DPP6: variants seen among roughly 807,000 people sequenced by gnomAD.
DPP6 encodes A-type potassium channel modulatory protein DPP6.
A neutral mutation model predicts 122.6 loss-of-function variants in DPP6; 69 were observed. The observed-to-expected ratio is 0.56, with a 90% CI of 0.46 to 0.69. The LOEUF (loss-of-function observed/expected upper bound fraction) is 0.69. Ranked by LOEUF, DPP6 falls within the 30% of genes least tolerant of loss-of-function variation. The pLI, the probability that DPP6 is intolerant of heterozygous loss-of-function variation, is 0.00. For missense variants in DPP6, 928 were observed against 1,116.9 expected, an observed-to-expected ratio of 0.83 and a Z score of 2.41; for synonymous variants, 418 against 433.1, an observed-to-expected ratio of 0.97 and a Z score of 0.43.
chr7:154,499,426 A>G (rs929780914), intron 3 of DPP6, among the ~76,000 whole-genome samples: 3 of 152,118 alleles, frequency 2.0e-5, no homozygotes, highest in African/African-American at 7.2e-5. Flanking sequence ...CTTAGACCAT[A>G]GGTGTGCCTG....
chr7:154,224,971 G>A (rs553715417), intron 1 of DPP6, among the ~76,000 whole-genome samples: 117 of 152,116 alleles, frequency 7.7e-4, no homozygotes, highest in African/African-American at 2.6e-3. Flanking sequence ...GGTGAACCCC[G>A]TCTCTACTGA....
chr7:154,292,726 G>A (rs1465867970), intron 1 of DPP6, among the ~76,000 whole-genome samples: 1 of 152,178 alleles, frequency 6.6e-6, no homozygotes, highest in East Asian at 1.9e-4. Flanking sequence ...CAGGCAGGCA[G>A]AGTCTCGTTT....
rs546661731 is a variant in DPP6, at chr7:154,538,048, A to C, written c.458-2484A>C. Among the ~76,000 whole-genome samples the C allele has an allele frequency of 6.6e-5, 10 of 152,256 alleles. No individual in the cohort carries two copies. The South Asian group carries it at 1.9e-3, about 28-fold the overall frequency. On this transcript the variant is annotated intron_variant, in intron 3 of 25. Coordinates refer to ENST00000377770, the MANE Select transcript of DPP6 (RefSeq NM_130797.4). ...CCTTATTAAGGTCAAATGCAAAAAA[A>C]AACTAAACAACATAGTATTTAAAGA...
intron 5 of DPP6, among the ~76,000 whole-genome samples, chr7:154,607,079 A>G (rs1833608707): frequency 8.2e-6 from 1 of 121,308 alleles, no homozygotes; most frequent in Admixed American, 9.2e-5. Flanking sequence ...CGCGATGCCA[A>G]TCATCTCCAC....
intron 1 of DPP6, among the ~76,000 whole-genome samples, chr7:154,310,716 A>G (rs1806794395): frequency 6.6e-6 from 1 of 152,166 alleles, no homozygotes; most frequent in African/African-American, 2.4e-5. Flanking sequence ...TCACCGAAAC[A>G]TCTTAGCTCC....
chr7:154,312,385 C>T (rs1479746419), intron 1 of DPP6, among the ~76,000 whole-genome samples: 4 of 152,300 alleles, frequency 2.6e-5, no homozygotes, highest in Non-Finnish European at 5.9e-5. Flanking sequence ...TTACAAAGCA[C>T]GTTGCTGATA....
In DPP6 at chr7:154,618,337, G is replaced by A. The variant is rs1159131698; in HGVS notation, c.628-19484G>A. Among the ~76,000 whole-genome samples, 4 of 152,126 alleles carry A rather than the reference G, an allele frequency of 2.6e-5. No individual in the cohort carries two copies. The highest frequency in any genetic ancestry group is 4.8e-5 in the African/African-American group (2 of 41,420). ...GATTAGGCTCACTGAGCGGGTGAAC[G>A]GAGCTGTTTGAACTGAGGTCTCAGG... On this transcript the variant is annotated intron_variant, in intron 5 of 25. Transcript: ENST00000377770. This position sits in a 1 kb window ranked among gnomAD's most constrained non-coding sequence, Gnocchi z 4.1.
chr7:154,767,042 A>C (rs897923141), intron 8 of DPP6, among the ~76,000 whole-genome samples: 8 of 152,144 alleles, frequency 5.3e-5, no homozygotes, highest in African/African-American at 1.9e-4. Flanking sequence ...GAAAGAAAGA[A>C]ATGAGTTGTC....
chr7:154,098,351 C>T (rs538098466), intron 1 of DPP6, among the ~76,000 whole-genome samples: 1 of 152,114 alleles, frequency 6.6e-6, no homozygotes, highest in Non-Finnish European at 1.5e-5. Context: ...TCAATTAAAC[C>T]TCTTTTCTTT....
chr7:154,062,330 A>G (rs1255564198), intron 1 of DPP6, among the ~76,000 whole-genome samples: 4 of 53,024 alleles, frequency 7.5e-5, no homozygotes, highest in East Asian at 9.7e-4. Context: ...CAGGAGGGGG[A>G]GGCACCCCCC....
intron 1 of DPP6, among the ~76,000 whole-genome samples, chr7:153,916,873 A>G (rs1488113396): frequency 6.6e-6 from 1 of 152,088 alleles, no homozygotes; most frequent in East Asian, 1.9e-4. Flanking sequence ...TGAGTTTTCT[A>G]TTCTTATTTG....
intron 1 of DPP6, among the ~76,000 whole-genome samples, chr7:154,289,164 G>T (rs1805041480): frequency 6.6e-6 from 1 of 152,184 alleles, no homozygotes; most frequent in Non-Finnish European, 1.5e-5. Flanking sequence ...AATGTTAGTG[G>T]AGAGGTAGAT....
intron 4 of DPP6, among the ~76,000 whole-genome samples, chr7:154,565,091 C>T (rs1332221081): frequency 6.6e-6 from 1 of 152,174 alleles, no homozygotes; most frequent in Non-Finnish European, 1.5e-5. Flanking sequence ...TTAGGCACAA[C>T]TCATGGGTTG....
chr7:153,985,047 A>G (rs1189765262), intron 1 of DPP6, among the ~76,000 whole-genome samples: 1 of 152,206 alleles, frequency 6.6e-6, no homozygotes, highest in Non-Finnish European at 1.5e-5. Context: ...TCACTGTACA[A>G]GGGAAAGATA....
At chr7:154,336,193 G>A (rs2151049432) in intron 1 of DPP6, among the ~76,000 whole-genome samples, 1 of 152,234 alleles carries the variant, frequency 6.6e-6, no homozygotes, top group Non-Finnish European at 1.5e-5. Context: ...CAATCAGCAT[G>A]CCCACATGGT....
At chr7:154,302,121 T>C (rs1805950509) in intron 1 of DPP6, among the ~76,000 whole-genome samples, 1 of 152,210 alleles carries the variant, frequency 6.6e-6, no homozygotes, top group Non-Finnish European at 1.5e-5. Context: ...ACAGCAGATC[T>C]GTCAAACTTA....
At chr7:154,577,158 A>T (rs1831734136) in intron 5 of DPP6, among the ~76,000 whole-genome samples, 1 of 151,980 alleles carries the variant, frequency 6.6e-6, no homozygotes, top group Non-Finnish European at 1.5e-5. Context: ...GTGCTTTAGG[A>T]GGGGGACAGA....
chr7:154,326,818 G>T (rs553335769), intron 1 of DPP6, among the ~76,000 whole-genome samples: 4 of 152,116 alleles, frequency 2.6e-5, no homozygotes, highest in African/African-American at 9.7e-5. Context: ...GGATTTCCTC[G>T]GGGCCTGGAA....
intron 1 of DPP6, among the ~76,000 whole-genome samples, chr7:154,315,377 A>G (rs1488205192): frequency 6.6e-6 from 1 of 152,174 alleles, no homozygotes; most frequent in Non-Finnish European, 1.5e-5. Flanking sequence ...AACCAAAAGT[A>G]TGTTGCTTAT....
Sources: allele counts gnomAD v4.1 joint callset (sites outside exome capture counted in the v4.1 genomes callset), GRCh38; gene constraint gnomAD v4.1.1; non-coding constraint Gnocchi (gnomAD v3.1); transcripts MANE v1.5; gene names NCBI Gene and HGNC (gene_info 2026-07-23, HGNC 2026-07-21).